Variants in DENND4A observed in about 807,000 individuals in gnomAD.
The protein encoded by DENND4A is C-myc promoter-binding protein.
DENND4A carries 70 observed loss-of-function variants against 199.3 expected under a neutral mutation model. The ratio of observed to expected loss-of-function variants is 0.35; its 90% CI spans 0.29 to 0.43. DENND4A has a LOEUF of 0.43. DENND4A is among the 20% of genes least tolerant of loss of function. The pLI is 1.00. For synonymous variants in DENND4A, 686 were observed against 766.9 expected, an observed-to-expected ratio of 0.89 and a Z score of 1.74; for missense variants, 1,723 against 2,255.8, an observed-to-expected ratio of 0.76 and a Z score of 4.78.
intron 14 of DENND4A, among the ~76,000 whole-genome samples, chr15:65,713,546 A>G (rs2142343869): frequency 6.6e-6 from 1 of 152,314 alleles, no homozygotes; most frequent in South Asian, 2.1e-4. Flanking sequence ...GTCCTTAATA[A>G]CTATGTAAGA....
chr15:65,705,093 C>CT (rs1206928137), intron 15 of DENND4A, among the ~76,000 whole-genome samples: 3 of 152,074 alleles, frequency 2.0e-5, no homozygotes, highest in African/African-American at 7.2e-5. Context: ...TTTTAAATAT[C>CT]TTTGACAGAA....
chr15:65,723,568 G>A (rs2140327352), intron 11 of DENND4A, among the ~76,000 whole-genome samples: 1 of 152,132 alleles, frequency 6.6e-6, no homozygotes, highest in East Asian at 1.9e-4. Context: ...TGATAAAGCA[G>A]TTTCCCCCTT....
chr15:65,698,994 T>C (rs1344281883), intron 20 of DENND4A, among the ~76,000 whole-genome samples: 1 of 152,124 alleles, frequency 6.6e-6, no homozygotes, highest in Non-Finnish European at 1.5e-5. Context: ...TGCCTTGGCC[T>C]CCCAAAATGC....
At chr15:65,729,315 C>CA in intron 10 of DENND4A, 68 bp from the exon 11 acceptor site, 2 of 1,493,964 alleles carry the variant, frequency 1.3e-6, no homozygotes, top group East Asian at 2.5e-5. Flanking sequence ...TCAGCACACA[C>CA]AAAAAACTGT....
At chr15:65,720,900 CTT>C (rs2075601672) in intron 12 of DENND4A, among the ~76,000 whole-genome samples, 1 of 140,220 alleles carries the variant, frequency 7.1e-6, no homozygotes, top group African/African-American at 2.7e-5. Context: ...TAGTTTTAAC[CTT>C]TGAGATTCTG....
chr15:65,660,328 G>A lies in DENND4A; in HGVS notation c.*1523C>T, dbSNP rs2075813656. 1 of 1,533,024 alleles carries A rather than the reference G, an allele frequency of 6.5e-7. No individual in the cohort carries two copies. Among genetic ancestry groups the A allele is most frequent in the Admixed American group, 2.0e-5 (1 of 50,840 alleles). 95.0% of individuals were successfully genotyped at this position (1,533,024 alleles called of 1,614,324 possible). A position where few individuals can be genotyped will look rare whatever the true frequency, so the allele number is the denominator to read the frequency against. ...GCATGGTGCTATTCACTAATGGTGT[G>A]AACTCAAAAGGTGGGTTTTCTGCAG... On this transcript the variant is annotated 3_prime_UTR_variant, in exon 33 of 33. Transcript: ENST00000443035.
intron 20 of DENND4A, among the ~76,000 whole-genome samples, chr15:65,697,705 C>G (rs932361678): frequency 7.9e-5 from 12 of 152,130 alleles, no homozygotes; most frequent in Non-Finnish European, 1.5e-5. Context: ...TATACAAGTC[C>G]ATGACCTTTC....
At chr15:65,675,809 G>A (rs1193246069) in intron 24 of DENND4A, among the ~76,000 whole-genome samples, 6 of 152,114 alleles carry the variant, frequency 3.9e-5, no homozygotes, top group Non-Finnish European at 2.9e-5. Context: ...ATAACCTGAG[G>A]AAGGGAACTT....
In DENND4A at chr15:65,690,980, G is replaced by GA; in HGVS notation, c.3613_3614insT (p.Thr1205IlefsTer2). The GA allele has an allele frequency of 6.2e-7, 1 of 1,605,518 alleles. No homozygotes were observed. The highest frequency in any genetic ancestry group is 8.5e-7 in the Non-Finnish European group (1 of 1,175,528). Reference sequence around the variant, plus strand: ...GGGATCAAATCCTGTTGCGACATCAGTTTTTTCAAAAGGTTTTACTGAAAA... The same window carrying GA: ...GGGATCAAATCCTGTTGCGACATCAGATTTTTTCAAAAGGTTTTACTGAAAA... On this transcript the variant is annotated frameshift_variant, in exon 23 of 33. Transcript: ENST00000443035. LOFTEE classifies it high-confidence loss of function.
intron 23 of DENND4A, among the ~76,000 whole-genome samples, chr15:65,682,859 G>T (rs557698342): frequency 3.3e-4 from 50 of 152,300 alleles, no homozygotes; most frequent in African/African-American, 1.1e-3. Flanking sequence ...AGGAGAGGGA[G>T]AGAGTCAGGA....
chr15:65,686,768 C>T (rs1454252763), intron 23 of DENND4A, among the ~76,000 whole-genome samples: 2 of 152,062 alleles, frequency 1.3e-5, no homozygotes, highest in African/African-American at 4.8e-5. Context: ...TAGCTCACTA[C>T]AGCCTTGAAC....
intron 2 of DENND4A, among the ~76,000 whole-genome samples, chr15:65,758,586 A>T (rs2076773890): frequency 6.6e-6 from 1 of 152,236 alleles, no homozygotes; most frequent in Non-Finnish European, 1.5e-5. Flanking sequence ...TGTTGGGATT[A>T]CAGGTGTGAG....
intron 1 of DENND4A, among the ~76,000 whole-genome samples, chr15:65,787,792 A>C (rs1333208502): frequency 1.3e-5 from 2 of 152,226 alleles, no homozygotes; most frequent in African/African-American, 4.8e-5. Context: ...AAGCAAAAAA[A>C]GCATTGTGAC....
chr15:65,704,243 T>A (rs1361190937), intron 15 of DENND4A, among the ~76,000 whole-genome samples: 1 of 152,242 alleles, frequency 6.6e-6, no homozygotes, highest in Non-Finnish European at 1.5e-5. Flanking sequence ...TGAGGCAGAC[T>A]CTGTGCTCAT....
intron 1 of DENND4A, among the ~76,000 whole-genome samples, chr15:65,764,991 A>AG (rs1342840414): frequency 8.3e-4 from 126 of 151,762 alleles, no homozygotes; most frequent in African/African-American, 2.9e-3. Flanking sequence ...AAAAAAAAAA[A>AG]GTAACATTTT....
chr15:65,773,123 G>T (rs188050588), intron 1 of DENND4A, among the ~76,000 whole-genome samples: 138 of 151,972 alleles, frequency 9.1e-4, no homozygotes, highest in African/African-American at 3.3e-3. Context: ...AAAAGGATAT[G>T]GCATAACTTT....
At chr15:65,668,311 C>A (rs907548911) in intron 27 of DENND4A, among the ~76,000 whole-genome samples, 188 bp from the exon 28 acceptor site, 2 of 151,742 alleles carry the variant, frequency 1.3e-5, no homozygotes, top group Non-Finnish European at 2.9e-5. Context: ...TAGGCTCAAG[C>A]GATCCTCCCA....
intron 23 of DENND4A, among the ~76,000 whole-genome samples, chr15:65,681,903 G>A (rs185291894): frequency 1.4e-3 from 209 of 152,290 alleles, no homozygotes; most frequent in Middle Eastern, 6.8e-3. Context: ...ATGACTAGGT[G>A]CATTGTCAAT....
intron 5 of DENND4A, among the ~76,000 whole-genome samples, chr15:65,740,086 C>G (rs1169759683): frequency 1.3e-5 from 2 of 152,056 alleles, no homozygotes; most frequent in Non-Finnish European, 1.5e-5. Flanking sequence ...GAGGCTGAGG[C>G]AGGAGAATTG....
Sources: gnomAD v4.1 joint callset for allele counts (sites outside exome capture counted in the v4.1 genomes callset) on GRCh38, gnomAD v4.1.1 for gene constraint, MANE v1.5 for transcripts, NCBI Gene and HGNC (gene_info 2026-07-23, HGNC 2026-07-21) for gene names.